The following IQGAP3 variants were observed in gnomAD, a reference collection of about 807,000 sequenced individuals.
IQGAP3 encodes IQ motif containing GTPase activating protein 3.
A neutral mutation model predicts 208.2 loss-of-function variants in IQGAP3; 165 were observed. That is an observed-to-expected ratio of 0.79 (90% CI 0.70 to 0.90). The LOEUF is 0.90. Ranked by LOEUF, IQGAP3 falls within the 40% of genes least tolerant of loss-of-function variation. IQGAP3 has a pLI of 0.00. For synonymous variants in IQGAP3, 703 were observed against 803.6 expected (o/e 0.87, Z 2.12); for missense variants, 1,811 against 2,043.1 (o/e 0.89, Z 2.19).
chr1:156,533,911 T>C, intron 30 of IQGAP3, 36 bp from the exon 31 acceptor site: 1 of 1,603,904 alleles, frequency 6.2e-7, no homozygotes, highest in South Asian at 1.1e-5. Context: ...ATGCAGGGTC[T>C]GAGCCAGGTC....
intron 11 of IQGAP3, 141 bp from the exon 12 acceptor site, chr1:156,556,834 T>A (rs1675843758): frequency 1.3e-6 from 1 of 785,134 alleles, no homozygotes; most frequent in Admixed American, 3.4e-5. Context: ...AGGTTTAAAA[T>A]GCATTTCTAA....
intron 10 of IQGAP3, 79 bp downstream of exon 10, chr1:156,561,759 G>A: frequency 7.2e-7 from 1 of 1,390,196 alleles, no homozygotes; most frequent in Non-Finnish European, 1.0e-6. Flanking sequence ...AGGACCAACA[G>A]TGGTGATCTT....
chr1:156,534,407 T>C (rs1674582167), intron 29 of IQGAP3, 94 bp downstream of exon 29: 3 of 1,038,116 alleles, frequency 2.9e-6, no homozygotes, highest in African/African-American at 1.6e-5. Context: ...CTTCTATTTA[T>C]GCCTCTTGTC....
intron 28 of IQGAP3, 41 bp downstream of exon 28, chr1:156,535,109 TACCAGCAAAGCAA>T: frequency 7.7e-7 from 1 of 1,301,694 alleles, no homozygotes; most frequent in African/African-American, 1.5e-5. Flanking sequence ...GGATTGCAGG[TACCAGCAAAGCAA>T]AGGAGGGATT....
chr1:156,571,523 A>T (rs781142027), intron 1 of IQGAP3, among the ~76,000 whole-genome samples: 6 of 152,220 alleles, frequency 3.9e-5, no homozygotes, highest in African/African-American at 7.2e-5. Context: ...ACCACAGGAA[A>T]GCCATCAGTT....
intron 11 of IQGAP3, among the ~76,000 whole-genome samples, chr1:156,557,208 T>G (rs1328094289): frequency 1.1e-3 from 5 of 4,734 alleles, no homozygotes; most frequent in African/African-American, 1.1e-3. Flanking sequence ...GTCCGGGAGG[T>G]GAGGGGCTCC....
At chr1:156,568,564 G>A (rs1185284964) in intron 2 of IQGAP3, among the ~76,000 whole-genome samples, 1 of 152,176 alleles carries the variant, frequency 6.6e-6, no homozygotes. Context: ...TTGTCATCCA[G>A]GATGGAGTGC....
intron 2 of IQGAP3, among the ~76,000 whole-genome samples, chr1:156,568,506 A>T (rs1362662465): frequency 3.3e-5 from 5 of 152,164 alleles, no homozygotes; most frequent in Non-Finnish European, 5.9e-5. Context: ...CGTGAGCCAC[A>T]GCGCCCATCC....
chr1:156,531,396 C>T (rs142726425), intron 32 of IQGAP3, 149 bp from the exon 33 acceptor site: 16 of 640,738 alleles, frequency 2.5e-5, no homozygotes, highest in Middle Eastern at 2.7e-4. Flanking sequence ...TAGGGGATGT[C>T]GTTGCCTGGA....
Position 156,548,158 on chromosome 1 carries a change from CG to C in IQGAP3, c.2218del (p.Arg740AlafsTer6). ...NVGFVIQLQA[R>X]LRGFLVRQKF... ...CTGCCGAACTAGGAAGCCACGGAGGCGGGCCTGGAGCTGGATAACAAAGCCG... is the reference window on the plus strand; with the variant it reads ...CTGCCGAACTAGGAAGCCACGGAGGCGGCCTGGAGCTGGATAACAAAGCCG... On this transcript the variant is annotated frameshift_variant, in exon 19 of 38. Transcript: ENST00000361170. LOFTEE classifies it high-confidence loss of function. 1 of 1,613,988 alleles carries C rather than the reference CG, an allele frequency of 6.2e-7. No individual in the cohort carries two copies. Among genetic ancestry groups the C allele is most frequent in the Non-Finnish European group, 8.5e-7 (1 of 1,179,942 alleles).
At chr1:156,528,887 C>T (rs1557914486) in intron 35 of IQGAP3, 29 bp downstream of exon 35, 3 of 1,613,474 alleles carry the variant, frequency 1.9e-6, no homozygotes, top group East Asian at 2.2e-5. Flanking sequence ...TCACTCGTAA[C>T]CTTCCAAGTA....
intron 19 of IQGAP3, among the ~76,000 whole-genome samples, chr1:156,547,416 C>CACACAA (rs1675310344): frequency 6.6e-6 from 1 of 151,510 alleles, no homozygotes; most frequent in South Asian, 2.1e-4. Flanking sequence ...CACACACACA[C>CACACAA]ACACACACAG....
chr1:156,563,591 C>A lies in IQGAP3; in HGVS notation c.581G>T (p.Gly194Val). Residue 194 changes from glycine to valine, a missense_variant, in exon 7 of 38, where the codon GGC becomes GTC. By Grantham distance (109) the Gly-to-Val change is moderately radical (BLOSUM62 -3). Coordinates refer to ENST00000361170, the MANE Select transcript of IQGAP3 (RefSeq NM_178229.5). ...CACCGAGAGCTCATTGGCCAAGATG[C>A]CCCCGATCTTGCTGAAGGCAGGCAG... ...LQLPAFSKIG[G>V]ILANELSVDE... The A allele has an allele frequency of 3.1e-6, 5 of 1,613,686 alleles. No homozygotes were observed. The South Asian group carries it at 4.4e-5, about 14-fold the overall frequency.
rs147591088 is a variant in IQGAP3 at position 156,568,671 on chromosome 1, C to T, written c.125+705G>A. ...CCAAGTAGCTGGGACTATGGGCACA[C>T]GCCACCATGCCTGGCTAATATTTGT... On this transcript the variant is annotated intron_variant, in intron 2 of 37. Coordinates refer to ENST00000361170, the MANE Select transcript of IQGAP3 (RefSeq NM_178229.5). Among the ~76,000 whole-genome samples the T allele has an allele frequency of 5.9e-3, 891 of 152,278 alleles. 9 individuals carry two copies. Among genetic ancestry groups the T allele is most frequent in the African/African-American group, 0.015 (624 of 41,558 alleles).
At chr1:156,557,898 C>T (rs1571353327) in intron 11 of IQGAP3, among the ~76,000 whole-genome samples, 1 of 7,896 alleles carries the variant, frequency 1.3e-4, no homozygotes, top group Non-Finnish European at 4.4e-4. Flanking sequence ...GCCCCTCTGC[C>T]CGGCCAGCCG....
chr1:156,544,336 G>T (rs1675130094), intron 20 of IQGAP3, 53 bp downstream of exon 20: 5 of 1,564,004 alleles, frequency 3.2e-6, no homozygotes, highest in African/African-American at 1.4e-5. Context: ...CTACAAGATT[G>T]TTCTCAGACG....
intron 15 of IQGAP3, among the ~76,000 whole-genome samples, chr1:156,550,793 T>G (rs1362000264): frequency 3.3e-5 from 5 of 152,140 alleles, no homozygotes; most frequent in African/African-American, 1.2e-4. Flanking sequence ...CCCTGACCCT[T>G]ACCTTCTCTT....
intron 19 of IQGAP3, among the ~76,000 whole-genome samples, chr1:156,544,815 A>G (rs1675154281): frequency 6.6e-6 from 1 of 152,170 alleles, no homozygotes; most frequent in Non-Finnish European, 1.5e-5. Context: ...CAACTTCACC[A>G]AAGTATGTAC....
chr1:156,526,555 G>C lies in IQGAP3; in HGVS notation c.4827C>G (p.Leu1609=), dbSNP rs1674072367. The change falls in exon 38 of 38, where the codon CTC becomes CTG. Residue 1609 remains leucine, a synonymous_variant. Transcript: ENST00000361170. ...LQYEGVAVMK[L]FNKAKVNVNL... ...TGACATTGACTTTGGCCTTGTTGAA[G>C]AGTTTCATGACAGCCACACCCTCAT... 1.2e-6 allele frequency: 2 copies of C among 1,614,188 alleles called. No individual in the cohort carries two copies. Among genetic ancestry groups the C allele is most frequent in the Non-Finnish European group, 1.7e-6 (2 of 1,180,002 alleles).
Sources: allele counts gnomAD v4.1 joint callset (sites outside exome capture counted in the v4.1 genomes callset), GRCh38; gene constraint gnomAD v4.1.1; transcripts MANE v1.5; gene names NCBI Gene and HGNC (gene_info 2026-07-23, HGNC 2026-07-21).